Variants in ARHGAP15 observed in about 807,000 individuals in gnomAD.
ARHGAP15 encodes rho GTPase-activating protein 15.
In ARHGAP15, 51 loss-of-function variants were observed where a neutral mutation model predicts 63.7. That is an observed-to-expected ratio of 0.80 (90% CI 0.64 to 1.01). ARHGAP15 has a LOEUF of 1.01. Among genes scored for constraint, ARHGAP15 ranks in the 50% least tolerant of loss-of-function variants. ARHGAP15 has a pLI of 0.00. For synonymous variants in ARHGAP15, 191 were observed against 193.8 expected (o/e 0.99, Z 0.12); for missense variants, 560 against 564.6 (o/e 0.99, Z 0.08).
chr2:143,663,139 G>A (rs1316097950), intron 12 of ARHGAP15, among the ~76,000 whole-genome samples: 2 of 116,984 alleles, frequency 1.7e-5, no homozygotes, highest in Non-Finnish European at 3.6e-5. Context: ...TGAAATGAAG[G>A]AAAAAATGTT....
chr2:143,460,997 C>G (rs1196521933), intron 8 of ARHGAP15, among the ~76,000 whole-genome samples: 1 of 152,078 alleles, frequency 6.6e-6, no homozygotes, highest in Non-Finnish European at 1.5e-5. Context: ...CTTAGAGCAT[C>G]TAGAAGACTT....
At chr2:143,143,664 G>C (rs1245927100) in intron 1 of ARHGAP15, among the ~76,000 whole-genome samples, 2 of 151,282 alleles carry the variant, frequency 1.3e-5, no homozygotes, top group African/African-American at 4.9e-5. Context: ...CAAGACACTG[G>C]GACCAACTTC....
chr2:143,331,500 T>C (rs1175380610), intron 6 of ARHGAP15, among the ~76,000 whole-genome samples: 1 of 152,178 alleles, frequency 6.6e-6, no homozygotes, highest in Non-Finnish European at 1.5e-5. Flanking sequence ...GCAGAGCACA[T>C]AATGAGTAAC....
chr2:143,444,629 T>C (rs1690049500), intron 8 of ARHGAP15, among the ~76,000 whole-genome samples: 1 of 152,208 alleles, frequency 6.6e-6, no homozygotes, highest in African/African-American at 2.4e-5. Flanking sequence ...AATTTGCTTT[T>C]TGATGGATTT....
At chr2:143,162,820 G>GT (rs1336173517) in intron 2 of ARHGAP15, among the ~76,000 whole-genome samples, 1 of 151,974 alleles carries the variant, frequency 6.6e-6, no homozygotes, top group African/African-American at 2.4e-5. Context: ...ACATACAATT[G>GT]TATCAGCAGA....
rs563178826 is a variant in ARHGAP15, at chr2:143,641,896, T to C, written c.1138+17629T>C. On this transcript the variant is annotated intron_variant, in intron 12 of 13. Coordinates refer to ENST00000295095, the MANE Select transcript of ARHGAP15 (RefSeq NM_018460.4). ...ATTTTCAGAGATATGCACCAGGATG[T>C]ATACAAACTTGCCCCTCAAAACGTT... is the stretch of plus-strand genomic sequence containing the variant. Among the ~76,000 whole-genome samples, 14 of 152,234 alleles carry C rather than the reference T, an allele frequency of 9.2e-5. No homozygotes were observed. In the South Asian group the frequency reaches 2.9e-3, roughly 32 times the overall value.
chr2:143,189,184 C>T lies in ARHGAP15; in HGVS notation c.166-12950C>T, dbSNP rs372249840. ...CAGTCAGTTTTAGAAGAGTCCAGTACGATTCTGATTACCAACTTTTTGTTG... is the reference window on the plus strand; with the variant it reads ...CAGTCAGTTTTAGAAGAGTCCAGTATGATTCTGATTACCAACTTTTTGTTG... On this transcript the variant is annotated intron_variant, in intron 2 of 13. Coordinates refer to ENST00000295095, the MANE Select transcript of ARHGAP15 (RefSeq NM_018460.4). Among the ~76,000 whole-genome samples, 18 of 152,260 alleles carry T rather than the reference C, an allele frequency of 1.2e-4. No homozygotes were observed. The East Asian group carries it at 2.5e-3, about 21-fold the overall frequency.
rs115235697 is a variant in ARHGAP15 at position 143,150,993 on chromosome 2, T to G, written c.-14-4484T>G. 5.6e-3 allele frequency among the ~76,000 whole-genome samples: 857 copies of G among 152,100 alleles called. 8 individuals are homozygous for G. Among genetic ancestry groups the G allele is most frequent in the African/African-American group, 0.019 (795 of 41,504 alleles). On this transcript the variant is annotated intron_variant, in intron 1 of 13. Transcript: ENST00000295095. Reference sequence around the variant, plus strand: ...TCTACCAAATCTAGAAAATTGAAGGTCAGTGAGGAATGAAAACATGGGTGG... The same window carrying G: ...TCTACCAAATCTAGAAAATTGAAGGGCAGTGAGGAATGAAAACATGGGTGG...
At chr2:143,727,253 G>A (rs1477012156) in intron 13 of ARHGAP15, among the ~76,000 whole-genome samples, 2 of 152,178 alleles carry the variant, frequency 1.3e-5, no homozygotes, top group East Asian at 3.9e-4. Context: ...TCTGCCATTG[G>A]ATGTGATGAA....
At chr2:143,431,532 G>T (rs964180064) in intron 6 of ARHGAP15, among the ~76,000 whole-genome samples, 1 of 152,054 alleles carries the variant, frequency 6.6e-6, no homozygotes, top group Non-Finnish European at 1.5e-5. Context: ...AAAGAATAAC[G>T]TATCATGACC....
At chr2:143,318,001 T>C (rs1483780649) in intron 6 of ARHGAP15, among the ~76,000 whole-genome samples, 3 of 151,982 alleles carry the variant, frequency 2.0e-5, no homozygotes, top group African/African-American at 7.3e-5. Context: ...ACCCATAAAA[T>C]TTTATCCTTT....
intron 12 of ARHGAP15, among the ~76,000 whole-genome samples, chr2:143,692,915 T>A (rs766965662): frequency 1.3e-5 from 2 of 152,176 alleles, no homozygotes; most frequent in Non-Finnish European, 1.5e-5. Context: ...GCACCTCAGG[T>A]TAAAGTTGAT....
At chr2:143,665,048 T>C (rs2105333812) in intron 12 of ARHGAP15, among the ~76,000 whole-genome samples, 1 of 151,830 alleles carries the variant, frequency 6.6e-6, no homozygotes, top group South Asian at 2.1e-4. Flanking sequence ...AAAGAGAGAA[T>C]CCTCCCTAAC....
intron 12 of ARHGAP15, among the ~76,000 whole-genome samples, chr2:143,636,606 T>C (rs1386494811): frequency 6.6e-6 from 1 of 152,136 alleles, no homozygotes; most frequent in Non-Finnish European, 1.5e-5. Context: ...CTTTGGTCAA[T>C]GTCAGATTTC....
At chr2:143,242,647 A>C (rs751822818) in intron 5 of ARHGAP15, among the ~76,000 whole-genome samples, 1 of 152,234 alleles carries the variant, frequency 6.6e-6, no homozygotes, top group African/African-American at 2.4e-5. Flanking sequence ...ATATACTGAG[A>C]AATTTCACTG....
chr2:143,268,891 T>G (rs1681131829), intron 6 of ARHGAP15, among the ~76,000 whole-genome samples: 1 of 152,068 alleles, frequency 6.6e-6, no homozygotes, highest in South Asian at 2.1e-4. Context: ...AAGAAAACTA[T>G]GCAGTACAAT....
intron 5 of ARHGAP15, among the ~76,000 whole-genome samples, chr2:143,249,854 T>A (rs1308832865): frequency 6.6e-6 from 1 of 152,134 alleles, no homozygotes; most frequent in Non-Finnish European, 1.5e-5. Flanking sequence ...CTAAGTTAAA[T>A]TTACCAAATG....
Position 143,718,260 on chromosome 2 carries a change from CACTTG to C in ARHGAP15, c.1244+14741_1244+14745del, listed in dbSNP as rs1469901108. On this transcript the variant is annotated intron_variant, in intron 13 of 13. Coordinates refer to ENST00000295095, the MANE Select transcript of ARHGAP15 (RefSeq NM_018460.4). The stretch of plus-strand genomic sequence containing the variant: ...TGTAGCTAGTAGCAGACTCAACCCA[CACTTG>C]ACTTTGAAGCAGTACATAACTAGAA... Among the ~76,000 whole-genome samples the C allele has an allele frequency of 2.6e-5, 4 of 152,182 alleles. No individual in the cohort carries two copies. In the East Asian group the frequency reaches 7.7e-4, roughly 29 times the overall value.
chr2:143,529,520 A>G (rs1259462126), intron 10 of ARHGAP15, among the ~76,000 whole-genome samples: 2 of 152,158 alleles, frequency 1.3e-5, no homozygotes, highest in East Asian at 1.9e-4. Context: ...CATTGATCTC[A>G]TAAGGATAAA....
Sources: gnomAD v4.1 joint callset for allele counts (sites outside exome capture counted in the v4.1 genomes callset) on GRCh38, gnomAD v4.1.1 for gene constraint, MANE v1.5 for transcripts, NCBI Gene and HGNC (gene_info 2026-07-23, HGNC 2026-07-21) for gene names.